MRPS25: variants seen among roughly 807,000 people sequenced by gnomAD.
The protein encoded by MRPS25 is mitochondrial ribosomal protein S25, also known as small ribosomal subunit protein mS25.
A neutral mutation model predicts 17.3 loss-of-function variants in MRPS25; 15 were observed. The ratio of observed to expected loss-of-function variants is 0.87; its 90% CI spans 0.58 to 1.34. The LOEUF (loss-of-function observed/expected upper bound fraction) is 1.34, where lower values mean the gene tolerates loss of function less well. Among genes scored for constraint, MRPS25 ranks in the 40% most tolerant of loss-of-function variants. The pLI is 0.00. For missense variants in MRPS25, 225 were observed against 218.6 expected (o/e 1.03, Z -0.19); for synonymous variants, 94 against 83.3 (o/e 1.13, Z -0.70).
chr3:15,061,079 G>C (rs1049896358), intron 1 of MRPS25, among the ~76,000 whole-genome samples: 1 of 152,068 alleles, frequency 6.6e-6, no homozygotes, highest in Non-Finnish European at 1.5e-5. Context: ...AAATAAACTA[G>C]GACATAGCCA....
downstream of MRPS25, chr3:15,045,370 G>A (rs2042413122): frequency 6.5e-6 from 1 of 152,692 alleles, no homozygotes. Flanking sequence ...ACTCAGGCTG[G>A]ATAAGGAAGT....
Position 15,050,863 on chromosome 3 carries a change from T to A in MRPS25, c.*1578A>T, listed in dbSNP as rs1345621873. On this transcript the variant is annotated 3_prime_UTR_variant, in exon 4 of 4. Coordinates refer to ENST00000253686, the MANE Select transcript of MRPS25 (RefSeq NM_022497.5). Reference sequence around the variant, plus strand: ...GTAAAAGATCCAAATCTGCTCAATTTAATGTGATAATCTCCAACAGTTAAT... The same window carrying A: ...GTAAAAGATCCAAATCTGCTCAATTAAATGTGATAATCTCCAACAGTTAAT... The A allele has an allele frequency of 2.0e-6, 2 of 985,338 alleles. No homozygotes were observed. Among genetic ancestry groups the A allele is most frequent in the Admixed American group, 6.1e-5 (1 of 16,264 alleles). The allele number at this position is 985,338 out of a possible 1,614,324, so 61.0% of individuals were successfully genotyped here.
intron 1 of MRPS25, among the ~76,000 whole-genome samples, chr3:15,059,911 TGAG>T (rs965624637): frequency 4.0e-5 from 6 of 151,216 alleles, no homozygotes; most frequent in African/African-American, 1.5e-4. Context: ...GTTTTACAAT[TGAG>T]GAGTGGAGGA....
At position 15,052,388 on chromosome 3, in the gene MRPS25, C is replaced by T. The variant is rs556800936; in HGVS notation, c.*53G>A. 1.3e-5 allele frequency: 21 copies of T among 1,565,784 alleles called. No individual in the cohort carries two copies. The African/African-American group carries it at 2.5e-4, about 18-fold the overall frequency. On this transcript the variant is annotated 3_prime_UTR_variant, in exon 4 of 4. Transcript: ENST00000253686. ...TCCCTGGGCCAAAGTAATCCCATTC[C>T]AATCTCCCCACTGGTCAGACACCAT...
Position 15,065,084 on chromosome 3 carries a change from A to G in MRPS25, c.111T>C (p.His37=), listed in dbSNP as rs2125140748. The change falls in exon 1 of 4, where the codon CAT becomes CAC. Residue 37 remains histidine, a synonymous_variant. Transcript: ENST00000253686. The stretch of plus-strand genomic sequence containing the variant: ...ACCTGGCGCCCTCGCCCAGCTCCCC[A>G]TGCGTGTTGTAATTCACTGTCATGA... The part of the protein sequence containing the change: ...VKVMTVNYNT[H]GELGEGARKF... 1 of 1,603,202 alleles carries G rather than the reference A, an allele frequency of 6.2e-7. No individual in the cohort carries two copies. Among genetic ancestry groups the G allele is most frequent in the South Asian group, 1.1e-5 (1 of 89,162 alleles).
downstream of MRPS25, chr3:15,045,195 C>T (rs539671428): frequency 6.6e-6 from 1 of 152,180 alleles, no homozygotes; most frequent in Admixed American, 6.5e-5. Flanking sequence ...TGCCTGCCTT[C>T]CGTCGTTTTG....
intron 2 of MRPS25, among the ~76,000 whole-genome samples, chr3:15,055,478 G>A (rs931918066): frequency 1.3e-5 from 2 of 152,190 alleles, no homozygotes; most frequent in Non-Finnish European, 2.9e-5. Flanking sequence ...TAGTGAGGAT[G>A]CGGAGTAACA....
chr3:15,053,078 G>C (rs1389431962), intron 3 of MRPS25, among the ~76,000 whole-genome samples: 3 of 152,318 alleles, frequency 2.0e-5, no homozygotes, highest in South Asian at 4.1e-4. Context: ...ATTCCCAGGA[G>C]AGATGGGTTA....
chr3:15,053,985 G>A (rs1023007382), intron 2 of MRPS25, among the ~76,000 whole-genome samples: 4 of 152,132 alleles, frequency 2.6e-5, no homozygotes, highest in East Asian at 1.9e-4. Flanking sequence ...GGCCGGGCGC[G>A]GTGGCTCAAA....
downstream of MRPS25, chr3:15,042,736 GATTCTGTGCA>G: frequency 9.5e-7 from 1 of 1,057,178 alleles, no homozygotes; most frequent in Non-Finnish European, 1.4e-6. Context: ...CGTTTGGTTT[GATTCTGTGCA>G]ATACAGACGG....
Position 15,062,860 on chromosome 3 carries a change from C to T in MRPS25, c.134+2201G>A, listed in dbSNP as rs555256360. 5.3e-5 allele frequency among the ~76,000 whole-genome samples: 8 copies of T among 152,180 alleles called. No homozygotes were observed. The East Asian group carries it at 1.5e-3, about 29-fold the overall frequency. On this transcript the variant is annotated intron_variant, in intron 1 of 3. Transcript: ENST00000253686. ...CAAGATGTGCTTTGTTAAACAGATG[C>T]TTGAAAGCAGCATGCTCGTTAAGAG...
chr3:15,057,836 C>A (rs923568755), intron 2 of MRPS25, among the ~76,000 whole-genome samples: 4 of 152,252 alleles, frequency 2.6e-5, no homozygotes, highest in African/African-American at 9.6e-5. Context: ...CAAACTGCCA[C>A]AGGGCCACCC....
intron 1 of MRPS25, among the ~76,000 whole-genome samples, chr3:15,061,129 T>G (rs1244014696): frequency 6.6e-6 from 1 of 152,114 alleles, no homozygotes; most frequent in Non-Finnish European, 1.5e-5. Flanking sequence ...AGGACAGAAA[T>G]GCAACAGAGA....
Position 15,050,384 on chromosome 3 carries a change from T to C in MRPS25, c.*2057A>G. ...ATTCTGTCTAGAGAATGGTCACCAC[T>C]CCTTTTGGTTCAGGACATTCCTGCT... On this transcript the variant is annotated 3_prime_UTR_variant, in exon 4 of 4. Transcript: ENST00000253686. The C allele has an allele frequency of 9.8e-7, 1 of 1,018,242 alleles. No individual in the cohort carries two copies. The highest frequency in any genetic ancestry group is 1.2e-6 in the Non-Finnish European group (1 of 852,762). The allele number at this position is 1,018,242 out of a possible 1,614,324, so 63.1% of individuals were successfully genotyped here.
In MRPS25 at chr3:15,065,301, G is replaced by A. The variant is rs958438090; in HGVS notation, c.-107C>T. 2.1e-6 allele frequency: 3 copies of A among 1,410,916 alleles called. No individual in the cohort carries two copies. Among genetic ancestry groups the A allele is most frequent in the Admixed American group, 5.7e-5 (2 of 34,968 alleles). The allele number at this position is 1,410,916 out of a possible 1,614,324, so 87.4% of individuals were successfully genotyped here. A position where few individuals can be genotyped will look rare whatever the true frequency, so the allele number is the denominator to read the frequency against. On this transcript the variant is annotated 5_prime_UTR_variant, in exon 1 of 4. Coordinates refer to ENST00000253686, the MANE Select transcript of MRPS25 (RefSeq NM_022497.5). Reference sequence around the variant, plus strand: ...CTCACGCGGCTTCTCCCCAGAGCCAGGTTCCACTTCCCGCGCAGACGCACA... The same window carrying A: ...CTCACGCGGCTTCTCCCCAGAGCCAAGTTCCACTTCCCGCGCAGACGCACA...
downstream of MRPS25, chr3:15,043,071 A>T (rs1186473783): frequency 1.4e-6 from 2 of 1,477,120 alleles, no homozygotes; most frequent in Non-Finnish European, 1.8e-6. Flanking sequence ...ATACAAAGAA[A>T]AGTAGTGGTA....
chr3:15,046,662 CT>C (rs1237185098), downstream of MRPS25: 2 of 152,346 alleles, frequency 1.3e-5, no homozygotes, highest in Non-Finnish European at 2.9e-5. Flanking sequence ...GTGTAAATGA[CT>C]TTATGTGCAA....
At position 15,051,105 on chromosome 3, in the gene MRPS25, T is replaced by G; in HGVS notation, c.*1336A>C. ...TTCTTTTAACCACTGCCTTCCTGTCTCAGATAAAGTCAGGTCTCCTTGGCT... is the reference window on the plus strand; with the variant it reads ...TTCTTTTAACCACTGCCTTCCTGTCGCAGATAAAGTCAGGTCTCCTTGGCT... On this transcript the variant is annotated 3_prime_UTR_variant, in exon 4 of 4. Transcript: ENST00000253686. 1.0e-6 allele frequency: 1 copy of G among 985,404 alleles called. No homozygotes were observed. Among genetic ancestry groups the G allele is most frequent in the Non-Finnish European group, 1.2e-6 (1 of 829,918 alleles). 61.0% of individuals were successfully genotyped at this position (985,404 alleles called of 1,614,324 possible).
intron 1 of MRPS25, among the ~76,000 whole-genome samples, chr3:15,064,063 C>T (rs1398923350): frequency 6.6e-6 from 1 of 152,208 alleles, no homozygotes. Context: ...AAGGGCCATG[C>T]AGTGAAGGTC....
Sources: allele counts gnomAD v4.1 joint callset (sites outside exome capture counted in the v4.1 genomes callset), GRCh38; gene constraint gnomAD v4.1.1; transcripts MANE v1.5; gene names NCBI Gene and HGNC (gene_info 2026-07-23, HGNC 2026-07-21).